The following TLE1 variants were observed in gnomAD, a reference collection of about 807,000 sequenced individuals.
TLE1 encodes transducin-like enhancer protein 1.
Under a neutral mutation model 89.8 loss-of-function variants are expected in TLE1, and 21 were observed. The observed-to-expected ratio is 0.23, with a 90% confidence interval of 0.17 to 0.34. The LOEUF is 0.34. Ranked by LOEUF, TLE1 falls within the 10% of genes least tolerant of loss-of-function variation. The pLI is 1.00. For missense variants in TLE1, 795 were observed against 1,031.2 expected, an observed-to-expected ratio of 0.77 and a Z score of 3.14; for synonymous variants, 447 against 407.6, an observed-to-expected ratio of 1.10 and a Z score of -1.16.
At chr9:81,590,123 C>T (rs1829266109) in intron 16 of TLE1, among the ~76,000 whole-genome samples, 1 of 152,202 alleles carries the variant, frequency 6.6e-6, no homozygotes, top group African/African-American at 2.4e-5. Context: ...TTTCATGTTT[C>T]ATTCATGCTT....
At chr9:81,626,444 C>G (rs1055877950) in intron 8 of TLE1, among the ~76,000 whole-genome samples, 1 of 152,148 alleles carries the variant, frequency 6.6e-6, no homozygotes, top group East Asian at 1.9e-4. Flanking sequence ...TGGTCATTCA[C>G]GTACTCTGCC....
chr9:81,677,763 A>AACACACCT, intron 4 of TLE1, among the ~76,000 whole-genome samples: 1 of 152,044 alleles, frequency 6.6e-6, no homozygotes, highest in Non-Finnish European at 1.5e-5. Flanking sequence ...CGCAAGTTCA[A>AACACACCT]ACACACCTAC....
At chr9:81,586,351 G>A (rs531340511) in intron 17 of TLE1, among the ~76,000 whole-genome samples, 2 of 152,272 alleles carry the variant, frequency 1.3e-5, no homozygotes, top group African/African-American at 4.8e-5. Flanking sequence ...ACTTCAGAGA[G>A]TGCACTTACA....
chr9:81,673,288 A>C (rs1832468279), intron 4 of TLE1, among the ~76,000 whole-genome samples: 1 of 151,198 alleles, frequency 6.6e-6, no homozygotes, highest in Non-Finnish European at 1.5e-5. Flanking sequence ...AAAAAAAAAA[A>C]AAAAAACAGA....
chr9:81,675,708 G>GTTTTTTTTTTTTTTTTTTTTTTTT lies in TLE1; in HGVS notation c.234+9967_234+9968insAAAAAAAAAAAAAAAAAAAAAAAA, dbSNP rs61458315. Among the ~76,000 whole-genome samples the GTTTTTTTTTTTTTTTTTTTTTTTT allele has an allele frequency of 1.9e-4, 25 of 132,438 alleles. 1 individual carries two copies. The highest frequency in any genetic ancestry group is 7.5e-4 in the African/African-American group (25 of 33,136). The allele number at this position is 132,438 out of a possible 152,430, so 86.9% of individuals were successfully genotyped here. A position where few individuals can be genotyped will look rare whatever the true frequency, so the allele number is the denominator to read the frequency against. On this transcript the variant is annotated intron_variant, in intron 4 of 19. Coordinates refer to ENST00000376499, the MANE Select transcript of TLE1 (RefSeq NM_005077.5). ...TAAGGACTCACACTAGTTTTTTTTT[G>GTTTTTTTTTTTTTTTTTTTTTTTT]TTTTTTTTTTTGAGACGGAGTCTCG...
chr9:81,662,103 C>T (rs1029207571), intron 4 of TLE1, among the ~76,000 whole-genome samples: 13 of 151,900 alleles, frequency 8.6e-5, no homozygotes, highest in Non-Finnish European at 1.6e-4. Flanking sequence ...AGTTTCAAAG[C>T]GAAAAGAGAA....
At chr9:81,624,249 G>A (rs865907700) in intron 8 of TLE1, among the ~76,000 whole-genome samples, 5 of 152,086 alleles carry the variant, frequency 3.3e-5, no homozygotes, top group Admixed American at 6.5e-5. Flanking sequence ...AAATAGAAAC[G>A]TGTAATTTTT....
At chr9:81,648,429 G>C (rs1219827478) in intron 6 of TLE1, among the ~76,000 whole-genome samples, 1 of 152,152 alleles carries the variant, frequency 6.6e-6, no homozygotes, top group Non-Finnish European at 1.5e-5. Flanking sequence ...ATTGTGGAAT[G>C]TGGGTTACCA....
chr9:81,613,099 A>C (rs1001452727), intron 12 of TLE1, among the ~76,000 whole-genome samples: 2 of 151,964 alleles, frequency 1.3e-5, no homozygotes, highest in African/African-American at 2.4e-5. Flanking sequence ...AGCTGAGATC[A>C]CGCCATTGCA....
At chr9:81,688,011 T>A (rs917929523) in intron 1 of TLE1, among the ~76,000 whole-genome samples, 5 of 151,638 alleles carry the variant, frequency 3.3e-5, no homozygotes, top group Non-Finnish European at 7.4e-5. Context: ...AGACGTCAAG[T>A]AGGAAGGAGC....
At chr9:81,638,156 T>C (rs1193644078) in intron 6 of TLE1, among the ~76,000 whole-genome samples, 2 of 152,168 alleles carry the variant, frequency 1.3e-5, no homozygotes, top group African/African-American at 4.8e-5. Context: ...CTAATGGCAG[T>C]GACGGGGGAG....
chr9:81,660,354 A>C (rs79621193), intron 4 of TLE1, among the ~76,000 whole-genome samples: 1 of 151,840 alleles, frequency 6.6e-6, no homozygotes, highest in Non-Finnish European at 1.5e-5. Flanking sequence ...AAAAAAAAAA[A>C]CAAAATCATA....
rs61738504 is a variant in TLE1, at chr9:81,634,206, C to T, written c.468G>A (p.Pro156=). The T allele has an allele frequency of 2.9e-3, 4,670 of 1,590,420 alleles. 9 individuals carry two copies. Among genetic ancestry groups the T allele is most frequent in the Non-Finnish European group, 3.4e-3 (3,929 of 1,166,752 alleles). Residue 156 remains proline, a synonymous_variant, in exon 7 of 20, where the codon CCG becomes CCA. Coordinates refer to ENST00000376499, the MANE Select transcript of TLE1 (RefSeq NM_005077.5). The part of the protein sequence containing the change: ...HPSGLQPPGI[P]PLGGSAGLLA... ...GAAGGCCGGCACTGCCCCCGAGGGG[C>T]GGGATTCCAGGAGGCTGAAGTCCCG...
At chr9:81,668,171 A>G (rs984552876) in intron 4 of TLE1, among the ~76,000 whole-genome samples, 7 of 150,450 alleles carry the variant, frequency 4.7e-5, no homozygotes, top group African/African-American at 1.2e-4. Flanking sequence ...GCATCTCGAA[A>G]AAAAAAAAAA....
At chr9:81,634,006 A>G in intron 7 of TLE1, 91 bp downstream of exon 7, 3 of 1,338,074 alleles carry the variant, frequency 2.2e-6, no homozygotes, top group Non-Finnish European at 2.0e-6. Flanking sequence ...CTCTCTGTAT[A>G]GGTTGGGGCT....
At chr9:81,626,244 T>C (rs1203401266) in intron 8 of TLE1, among the ~76,000 whole-genome samples, 1 of 152,092 alleles carries the variant, frequency 6.6e-6, no homozygotes, top group African/African-American at 2.4e-5. Context: ...TGACACCTCA[T>C]TTATCCTCAG....
intron 4 of TLE1, among the ~76,000 whole-genome samples, chr9:81,660,655 A>G (rs1418319927): frequency 6.6e-6 from 1 of 150,836 alleles, no homozygotes; most frequent in Non-Finnish European, 1.5e-5. Flanking sequence ...TGACCTCGTG[A>G]TTCGCCGGTC....
rs199862703 is a variant in TLE1, at chr9:81,687,462, G to C, written c.25-28C>G. 3 of 1,571,458 alleles carry C rather than the reference G, an allele frequency of 1.9e-6. No homozygotes were observed. In the African/African-American group the frequency reaches 4.0e-5, roughly 21 times the overall value. On this transcript the variant is annotated intron_variant, in intron 1 of 19. Transcript: ENST00000376499. The stretch of plus-strand genomic sequence containing the variant: ...GGGGGCGACCAGCGAGGGGGACCGA[G>C]GGACGGGAATGCGGGCGGATGAATA...
At chr9:81,612,363 C>T in intron 12 of TLE1, 8 of 997,898 alleles carry the variant, frequency 8.0e-6, no homozygotes, top group Non-Finnish European at 9.5e-6. Flanking sequence ...CTTTCCATTC[C>T]CTGGTACCAA....
Sources: allele counts gnomAD v4.1 joint callset (sites outside exome capture counted in the v4.1 genomes callset), GRCh38; gene constraint gnomAD v4.1.1; transcripts MANE v1.5; gene names NCBI Gene and HGNC (gene_info 2026-07-23, HGNC 2026-07-21).